The following ANO2 variants were observed in gnomAD, a reference collection of about 807,000 sequenced individuals.
The protein encoded by ANO2 is anoctamin 2.
ANO2 carries 101 observed loss-of-function variants against 124.2 expected under a neutral mutation model. The observed-to-expected ratio is 0.81, with a 90% confidence interval of 0.69 to 0.96. The LOEUF (loss-of-function observed/expected upper bound fraction) is 0.96. ANO2 is among the 40% of genes least tolerant of loss of function. The pLI is 0.00. For missense variants in ANO2, 1,293 were observed against 1,274.5 expected (o/e 1.01, Z -0.22); for synonymous variants, 486 against 482.5 (o/e 1.01, Z -0.09).
At chr12:5,807,679 C>A (rs1953243476) in intron 7 of ANO2, among the ~76,000 whole-genome samples, 2 of 152,220 alleles carry the variant, frequency 1.3e-5, no homozygotes, top group Non-Finnish European at 2.9e-5. Context: ...GTGAGAATCT[C>A]TGTGCTCCAT....
intron 10 of ANO2, among the ~76,000 whole-genome samples, chr12:5,779,716 T>C (rs1444481981): frequency 6.6e-6 from 1 of 152,220 alleles, no homozygotes; most frequent in African/African-American, 2.4e-5. Flanking sequence ...CAGGATGTTT[T>C]GGAAAGGACC....
intron 16 of ANO2, among the ~76,000 whole-genome samples, chr12:5,627,042 G>C (rs2136926019): frequency 6.6e-6 from 1 of 152,296 alleles, no homozygotes; most frequent in East Asian, 1.9e-4. Flanking sequence ...TGTCTGGGAA[G>C]GAATTCTTAC....
At position 5,923,165 on chromosome 12, in the gene ANO2, C is replaced by T. The variant is rs1376336370; in HGVS notation, c.23-361G>A. Among the ~76,000 whole-genome samples the T allele has an allele frequency of 2.1e-4, 9 of 43,662 alleles. 1 individual carries two copies. Among genetic ancestry groups the T allele is most frequent in the South Asian group, 9.7e-4 (1 of 1,034 alleles). The allele number at this position is 43,662 out of a possible 152,430, so 28.6% of individuals were successfully genotyped here. A position where few individuals can be genotyped will look rare whatever the true frequency, so the allele number is the denominator to read the frequency against. The stretch of plus-strand genomic sequence containing the variant: ...ACATGCACACATACACACACGCATA[C>T]ACACACACGCACACACACATACACA... On this transcript the variant is annotated intron_variant, in intron 1 of 24. Transcript: ENST00000682330.
At chr12:5,629,466 G>A (rs1225260516) in intron 16 of ANO2, among the ~76,000 whole-genome samples, 3 of 152,156 alleles carry the variant, frequency 2.0e-5, no homozygotes, top group Admixed American at 2.0e-4. Context: ...GTCCTGACCT[G>A]AGGAGGAAGC....
chr12:5,700,342 T>C (rs1949351449), intron 14 of ANO2, among the ~76,000 whole-genome samples: 1 of 152,190 alleles, frequency 6.6e-6, no homozygotes, highest in Non-Finnish European at 1.5e-5. Flanking sequence ...GAATGACTAC[T>C]GGGTACAAAA....
chr12:5,661,016 T>A (rs963567304), intron 14 of ANO2, among the ~76,000 whole-genome samples: 3 of 152,186 alleles, frequency 2.0e-5, no homozygotes, highest in Admixed American at 6.5e-5. Context: ...AAATAGTCAA[T>A]TGCGTGGCCC....
intron 14 of ANO2, among the ~76,000 whole-genome samples, chr12:5,653,300 T>A (rs567091060): frequency 1.3e-5 from 2 of 152,338 alleles, no homozygotes; most frequent in Admixed American, 1.3e-4. Context: ...CTGGCTTCTA[T>A]CAAAATGTTC....
intron 20 of ANO2, among the ~76,000 whole-genome samples, chr12:5,580,237 A>G (rs1942667993): frequency 6.6e-6 from 1 of 152,244 alleles, no homozygotes; most frequent in Admixed American, 6.5e-5. Flanking sequence ...GATATTACAT[A>G]CAAAATATGT....
chr12:5,641,339 A>G (rs112991485), intron 15 of ANO2, among the ~76,000 whole-genome samples: 3,431 of 152,330 alleles, frequency 0.023, 133 homozygotes, highest in African/African-American at 0.079. Flanking sequence ...AAACCTGCAC[A>G]TTGTGCACAT....
chr12:5,599,038 C>T (rs1440171632), intron 20 of ANO2, among the ~76,000 whole-genome samples: 3 of 152,164 alleles, frequency 2.0e-5, no homozygotes, highest in Non-Finnish European at 4.4e-5. Flanking sequence ...ATATATTCTC[C>T]AAGTCAAAAT....
chr12:5,608,463 AT>A (rs1180811875), intron 19 of ANO2, among the ~76,000 whole-genome samples: 6 of 151,962 alleles, frequency 3.9e-5, no homozygotes, highest in Non-Finnish European at 8.8e-5. Context: ...GAAAGGAAAC[AT>A]CTTTTGAAAG....
intron 4 of ANO2, among the ~76,000 whole-genome samples, chr12:5,841,238 C>A (rs754677794): frequency 9.9e-5 from 15 of 152,198 alleles, no homozygotes; most frequent in Non-Finnish European, 2.1e-4. Context: ...CAGGAGCAGC[C>A]AAGGTCAGCT....
At chr12:5,868,964 G>T (rs552801540) in intron 3 of ANO2, among the ~76,000 whole-genome samples, 360 of 152,322 alleles carry the variant, frequency 2.4e-3, no homozygotes, top group Non-Finnish European at 4.1e-3. Context: ...AGAATGCAAG[G>T]AACTCCAACT....
At chr12:5,566,070 C>T (rs892017121) in intron 23 of ANO2, among the ~76,000 whole-genome samples, 7 of 151,986 alleles carry the variant, frequency 4.6e-5, no homozygotes, top group Admixed American at 2.0e-4. Flanking sequence ...GCTCTGCAGC[C>T]GGGGGGGTTG....
At chr12:5,639,405 C>G (rs1946215267) in intron 15 of ANO2, among the ~76,000 whole-genome samples, 1 of 152,168 alleles carries the variant, frequency 6.6e-6, no homozygotes, top group Non-Finnish European at 1.5e-5. Context: ...AAAAAGGAAA[C>G]AGAAAGCACT....
Position 5,885,373 on chromosome 12 carries a change from T to C in ANO2, c.535-31232A>G, listed in dbSNP as rs180891870. Reference sequence around the variant, plus strand: ...CAGCCCAGGCTATGTCTGAGGTTCATGCTTACTGTCCAGTGACCAAAGCTG... The same window carrying C: ...CAGCCCAGGCTATGTCTGAGGTTCACGCTTACTGTCCAGTGACCAAAGCTG... On this transcript the variant is annotated intron_variant, in intron 3 of 24. Coordinates refer to ENST00000682330, the MANE Select transcript of ANO2 (RefSeq NM_001364791.2). Among the ~76,000 whole-genome samples, 17 of 152,370 alleles carry C rather than the reference T, an allele frequency of 1.1e-4. No homozygotes were observed. In the East Asian group the frequency reaches 3.1e-3, roughly 28 times the overall value.
chr12:5,677,119 C>G (rs1322098803), intron 14 of ANO2, among the ~76,000 whole-genome samples: 1 of 149,360 alleles, frequency 6.7e-6, no homozygotes, highest in Non-Finnish European at 1.5e-5. Flanking sequence ...AGACGGGGGT[C>G]TCAGGATTGG....
intron 3 of ANO2, among the ~76,000 whole-genome samples, chr12:5,870,686 A>G (rs576355565): frequency 1.2e-4 from 19 of 152,348 alleles, no homozygotes; most frequent in African/African-American, 3.6e-4. Context: ...TTCTTTCCTT[A>G]AAGGTCCCTC....
At chr12:5,584,300 A>T (rs1364095699) in intron 20 of ANO2, among the ~76,000 whole-genome samples, 1 of 152,092 alleles carries the variant, frequency 6.6e-6, no homozygotes, top group Non-Finnish European at 1.5e-5. Context: ...GAGCTCCCGG[A>T]GGGCCCTTTC....
Sources: allele counts gnomAD v4.1 joint callset (sites outside exome capture counted in the v4.1 genomes callset), GRCh38; gene constraint gnomAD v4.1.1; transcripts MANE v1.5; gene names NCBI Gene and HGNC (gene_info 2026-07-23, HGNC 2026-07-21).